Variants in SYT1 observed in about 807,000 individuals in gnomAD.
The protein encoded by SYT1 is synaptotagmin 1.
In SYT1, 8 loss-of-function variants were observed where a neutral mutation model predicts 44.8. That is an observed-to-expected ratio of 0.18 (90% CI 0.10 to 0.32). The LOEUF (loss-of-function observed/expected upper bound fraction) is 0.32, where lower values mean the gene tolerates loss of function less well. SYT1 is among the 10% of genes least tolerant of loss of function. The probability of loss-of-function intolerance (pLI) is 1.00; values close to 1 mark genes in which losing one functional copy is unlikely to be tolerated. For missense variants in SYT1, 286 were observed against 509.3 expected (o/e 0.56, Z 4.22); for synonymous variants, 154 against 188.8 (o/e 0.82, Z 1.51).
At chr12:79,059,072 G>A (rs1036267974) in intron 3 of SYT1, among the ~76,000 whole-genome samples, 2 of 152,046 alleles carry the variant, frequency 1.3e-5, no homozygotes, top group African/African-American at 4.8e-5. Context: ...ATGCCAGAAG[G>A]TGAATGGGGG....
rs189477517 is a variant in SYT1 at position 78,935,968 on chromosome 12, C to T, written c.-216-41831C>T. ...TAGCCTCATAAAGTATTTCCAAGTA[C>T]AAAGAGTTCATTTTCTTTGATAAAA... On this transcript the variant is annotated intron_variant, in intron 1 of 10. Transcript: ENST00000261205. 5.3e-5 allele frequency among the ~76,000 whole-genome samples: 8 copies of T among 152,096 alleles called. No homozygotes were observed. The South Asian group carries it at 8.3e-4, about 16-fold the overall frequency.
At chr12:78,943,144 T>A (rs2137260075) in intron 1 of SYT1, among the ~76,000 whole-genome samples, 1 of 152,348 alleles carries the variant, frequency 6.6e-6, no homozygotes, top group South Asian at 2.1e-4. Context: ...AAGTGGCTAG[T>A]TCTTCGGTCA....
intron 3 of SYT1, among the ~76,000 whole-genome samples, chr12:79,212,883 A>G (rs896155920): frequency 2.6e-5 from 4 of 152,242 alleles, no homozygotes; most frequent in African/African-American, 9.6e-5. Context: ...GCCACACTCC[A>G]GTTACTTCTG....
chr12:79,063,792 C>CCCT (rs746484194), intron 3 of SYT1, among the ~76,000 whole-genome samples: 2 of 152,096 alleles, frequency 1.3e-5, no homozygotes, highest in Non-Finnish European at 2.9e-5. Flanking sequence ...AGGTACACTA[C>CCCT]CCTCCTCTAT....
intron 1 of SYT1, among the ~76,000 whole-genome samples, chr12:78,875,688 A>C (rs955859971): frequency 2.0e-5 from 3 of 151,752 alleles, no homozygotes; most frequent in Admixed American, 6.6e-5. Context: ...CATGCTTTAA[A>C]TATATGCTGT....
intron 2 of SYT1, among the ~76,000 whole-genome samples, chr12:78,979,002 T>A (rs1193192397): frequency 6.6e-6 from 1 of 152,200 alleles, no homozygotes; most frequent in African/African-American, 2.4e-5. Context: ...GTACTAGAAC[T>A]TTCTCCTATC....
chr12:79,062,812 T>C (rs1875490270), intron 3 of SYT1, among the ~76,000 whole-genome samples: 1 of 152,158 alleles, frequency 6.6e-6, no homozygotes, highest in Non-Finnish European at 1.5e-5. Flanking sequence ...ATAATAAAAA[T>C]AACTACCATT....
intron 3 of SYT1, among the ~76,000 whole-genome samples, chr12:79,058,574 G>A (rs1053993575): frequency 6.6e-6 from 1 of 152,024 alleles, no homozygotes; most frequent in African/African-American, 2.4e-5. Flanking sequence ...CAGCTGGTAT[G>A]GGGAAATGTC....
chr12:79,087,817 A>C (rs571929997), intron 3 of SYT1, among the ~76,000 whole-genome samples: 1 of 152,274 alleles, frequency 6.6e-6, no homozygotes, highest in East Asian at 1.9e-4. Flanking sequence ...TAATTGAAAT[A>C]GGGCATCTGA....
intron 2 of SYT1, among the ~76,000 whole-genome samples, chr12:79,004,610 C>T (rs545243172): frequency 7.9e-5 from 12 of 151,878 alleles, no homozygotes; most frequent in Non-Finnish European, 1.6e-4. Context: ...TTTATTAGTA[C>T]AGTAGCAATT....
chr12:79,432,836 A>T (rs979106413), intron 9 of SYT1, among the ~76,000 whole-genome samples: 1 of 151,776 alleles, frequency 6.6e-6, no homozygotes, highest in Admixed American at 6.6e-5. Context: ...CTGGTTTCGA[A>T]CTCTTGACCT....
At chr12:79,190,250 G>A (rs182460132) in intron 3 of SYT1, among the ~76,000 whole-genome samples, 185 of 152,266 alleles carry the variant, frequency 1.2e-3, no homozygotes, top group Non-Finnish European at 2.0e-3. Context: ...AAGTCAAAGA[G>A]AGTTTTTGAA....
intron 9 of SYT1, among the ~76,000 whole-genome samples, chr12:79,357,903 A>C (rs2136017294): frequency 6.6e-6 from 1 of 152,332 alleles, no homozygotes; most frequent in East Asian, 1.9e-4. Context: ...AAAGAGGTCA[A>C]AGTAAAGGCA....
chr12:79,336,088 C>T (rs1565913950), intron 8 of SYT1, among the ~76,000 whole-genome samples: 1 of 152,212 alleles, frequency 6.6e-6, no homozygotes, highest in Admixed American at 6.5e-5. Context: ...GTGCCTACTG[C>T]TTTTTCTCCT....
At chr12:79,155,212 T>G (rs1187474486) in intron 3 of SYT1, among the ~76,000 whole-genome samples, 4 of 152,148 alleles carry the variant, frequency 2.6e-5, no homozygotes, top group Middle Eastern at 3.4e-3. Flanking sequence ...GTAAGAGAGA[T>G]AAAAATAAAG....
intron 1 of SYT1, among the ~76,000 whole-genome samples, chr12:78,947,871 T>C (rs1168659258): frequency 1.3e-5 from 2 of 151,946 alleles, no homozygotes; most frequent in African/African-American, 4.8e-5. Flanking sequence ...ATAAGTCTTT[T>C]ATATAAACCA....
chr12:79,206,909 T>C (rs904127697), intron 3 of SYT1, among the ~76,000 whole-genome samples: 3 of 152,172 alleles, frequency 2.0e-5, no homozygotes, highest in African/African-American at 4.8e-5. Flanking sequence ...AAGGATGACA[T>C]TGGACAGTGA....
intron 3 of SYT1, among the ~76,000 whole-genome samples, chr12:79,191,168 ATGT>A (rs1873099788): frequency 1.3e-5 from 2 of 152,032 alleles, no homozygotes; most frequent in East Asian, 3.9e-4. Flanking sequence ...ATTTTTGCAG[ATGT>A]TATTATTCCT....
chr12:78,974,388 AC>A (rs1435261541), intron 1 of SYT1, among the ~76,000 whole-genome samples: 1 of 152,016 alleles, frequency 6.6e-6, no homozygotes, highest in Non-Finnish European at 1.5e-5. Flanking sequence ...AGATCAATCT[AC>A]TAAACATCAG....
Sources: allele counts gnomAD v4.1 joint callset (sites outside exome capture counted in the v4.1 genomes callset), GRCh38; gene constraint gnomAD v4.1.1; transcripts MANE v1.5; gene names NCBI Gene and HGNC (gene_info 2026-07-23, HGNC 2026-07-21).